Variants in SDK1 observed in about 807,000 individuals in gnomAD.
The protein encoded by SDK1 is protein sidekick-1.
SDK1 carries 157 observed loss-of-function variants against 245.5 expected under a neutral mutation model. The ratio of observed to expected loss-of-function variants is 0.64; its 90% CI spans 0.56 to 0.73. The LOEUF is 0.73. Ranked by LOEUF, SDK1 falls within the 30% of genes least tolerant of loss-of-function variation. The probability of loss-of-function intolerance (pLI) is 0.00; values close to 1 mark genes in which losing one functional copy is unlikely to be tolerated. For missense variants in SDK1, 3,583 were observed against 3,002.3 expected, an observed-to-expected ratio of 1.19 and a Z score of -4.52; for synonymous variants, 1,647 against 1,278.5, an observed-to-expected ratio of 1.29 and a Z score of -6.15.
At chr7:4,254,181 GTGTTTTTGTTTTTGTTTT>G (rs548035861) in intron 44 of SDK1, among the ~76,000 whole-genome samples, 1 of 151,632 alleles carries the variant, frequency 6.6e-6, no homozygotes, top group Non-Finnish European at 1.5e-5. Flanking sequence ...ATTACTTTGA[GTGTTTTTGTTTTTGTTTT>G]TGTTTTTGTT....
Position 3,821,602 on chromosome 7 carries a change from A to C in SDK1, c.847+19A>C, listed in dbSNP as rs372714866. The C allele has an allele frequency of 1.1e-5, 18 of 1,610,184 alleles. No individual in the cohort carries two copies. In the Admixed American group the frequency reaches 2.5e-4, roughly 23 times the overall value. ...ATAGCAAGTGAGTTTTGAAATCCCA[A>C]ATGGTAATTCTGCAAGCAATAAAAT... On this transcript the variant is annotated intron_variant, in intron 5 of 44. Transcript: ENST00000404826.
chr7:4,232,670 C>G (rs1785871446), intron 40 of SDK1, among the ~76,000 whole-genome samples: 1 of 151,906 alleles, frequency 6.6e-6, no homozygotes, highest in Non-Finnish European at 1.5e-5. Context: ...CCCTGTGTTG[C>G]CCAGGCTGGT....
intron 35 of SDK1, among the ~76,000 whole-genome samples, chr7:4,194,364 ATGTGTATACATGTATGTGTATACATG>A (rs1562415971): frequency 0.015 from 1,544 of 100,148 alleles, 62 homozygotes; most frequent in South Asian, 0.037. Context: ...GTATGCACGT[ATGTGTATACATGTATGTGTATACATG>A]TATACATATA....
intron 5 of SDK1, among the ~76,000 whole-genome samples, chr7:3,836,653 A>G (rs2115081516): frequency 6.6e-6 from 1 of 152,342 alleles, no homozygotes; most frequent in South Asian, 2.1e-4. Context: ...CAAACACCCA[A>G]CTTAAGAACA....
chr7:4,006,300 C>T (rs1053357779), intron 14 of SDK1, among the ~76,000 whole-genome samples: 2 of 152,174 alleles, frequency 1.3e-5, no homozygotes, highest in East Asian at 1.9e-4. Context: ...CTCTGTAGAA[C>T]GGAGCCTGGC....
intron 4 of SDK1, among the ~76,000 whole-genome samples, chr7:3,657,714 G>A (rs762606192): frequency 2.6e-5 from 4 of 152,144 alleles, no homozygotes; most frequent in Non-Finnish European, 4.4e-5. Flanking sequence ...GCCAGGCAGC[G>A]TGCAGCCTAT....
At chr7:4,263,237 G>C (rs945482247) in intron 44 of SDK1, among the ~76,000 whole-genome samples, 2 of 102,666 alleles carry the variant, frequency 1.9e-5, no homozygotes, top group African/African-American at 7.7e-5. Context: ...CTTTTGTTTT[G>C]GTCTGTAGCA....
At chr7:3,939,168 G>T (rs1583592232) in intron 5 of SDK1, among the ~76,000 whole-genome samples, 1 of 152,352 alleles carries the variant, frequency 6.6e-6, no homozygotes, top group Middle Eastern at 3.4e-3. Flanking sequence ...TGTCTCCAGG[G>T]AATTTTTTGG....
At chr7:3,710,348 T>A (rs1449196618) in intron 4 of SDK1, among the ~76,000 whole-genome samples, 1 of 152,236 alleles carries the variant, frequency 6.6e-6, no homozygotes, top group East Asian at 1.9e-4. Context: ...TTAGTAACTT[T>A]CTTGTTGACT....
At chr7:4,226,536 T>G (rs1785459380) in intron 40 of SDK1, among the ~76,000 whole-genome samples, 1 of 152,240 alleles carries the variant, frequency 6.6e-6, no homozygotes, top group Non-Finnish European at 1.5e-5. Context: ...GACGCAGAAC[T>G]GAGCAGCAGC....
At chr7:3,641,918 A>C (rs769345369) in intron 3 of SDK1, 40 bp from the exon 4 acceptor site, 2 of 1,578,804 alleles carry the variant, frequency 1.3e-6, no homozygotes, top group Non-Finnish European at 8.6e-7. Flanking sequence ...TCCCCCAAAA[A>C]TGTTTTCTAG....
At chr7:4,054,080 A>T (rs953736413) in intron 19 of SDK1, among the ~76,000 whole-genome samples, 1 of 151,988 alleles carries the variant, frequency 6.6e-6, no homozygotes, top group South Asian at 2.1e-4. Flanking sequence ...CTGGTATTAC[A>T]GGCACCGGCC....
chr7:3,803,261 T>C (rs1779150289), intron 4 of SDK1, among the ~76,000 whole-genome samples: 1 of 152,136 alleles, frequency 6.6e-6, no homozygotes, highest in African/African-American at 2.4e-5. Context: ...GTCAAATGCT[T>C]CTTGTTGTAC....
chr7:3,358,520 T>TA (rs1780869348), intron 1 of SDK1, among the ~76,000 whole-genome samples: 1 of 152,114 alleles, frequency 6.6e-6, no homozygotes, highest in Non-Finnish European at 1.5e-5. Flanking sequence ...ATAGGTAGTG[T>TA]GCCCAGAGTC....
At chr7:3,335,605 G>C (rs938074556) in intron 1 of SDK1, among the ~76,000 whole-genome samples, 1 of 152,124 alleles carries the variant, frequency 6.6e-6, no homozygotes, top group African/African-American at 2.4e-5. Context: ...AAGGATAAGA[G>C]GGTCTTTGTG....
At chr7:3,440,774 G>C (rs1383778883) in intron 1 of SDK1, among the ~76,000 whole-genome samples, 1 of 152,138 alleles carries the variant, frequency 6.6e-6, no homozygotes, top group East Asian at 1.9e-4. Context: ...ATTTATGCTG[G>C]TCTTGCTGTT....
At chr7:3,344,003 C>G (rs1342908368) in intron 1 of SDK1, among the ~76,000 whole-genome samples, 1 of 137,322 alleles carries the variant, frequency 7.3e-6, no homozygotes, top group East Asian at 2.0e-4. Context: ...ACCATAGTTG[C>G]TAAACACATA....
intron 40 of SDK1, among the ~76,000 whole-genome samples, chr7:4,229,499 A>T (rs1237942209): frequency 6.6e-6 from 1 of 152,216 alleles, no homozygotes; most frequent in Non-Finnish European, 1.5e-5. Flanking sequence ...ATTATGAAAA[A>T]TGCACACAAT....
intron 1 of SDK1, among the ~76,000 whole-genome samples, chr7:3,551,796 C>G (rs1583156968): frequency 6.6e-6 from 1 of 151,970 alleles, no homozygotes; most frequent in South Asian, 2.1e-4. Context: ...CCACCCTGGC[C>G]TCCCGAAGAG....
Sources: allele counts gnomAD v4.1 joint callset (sites outside exome capture counted in the v4.1 genomes callset), GRCh38; gene constraint gnomAD v4.1.1; transcripts MANE v1.5; gene names NCBI Gene and HGNC (gene_info 2026-07-23, HGNC 2026-07-21).